Variants in CAMK2D observed in about 807,000 individuals in gnomAD.
CAMK2D encodes calcium/calmodulin dependent protein kinase II delta.
Under a neutral mutation model 84.0 loss-of-function variants are expected in CAMK2D, and 37 were observed. The ratio of observed to expected loss-of-function variants is 0.44; its 90% CI spans 0.34 to 0.58. The LOEUF (loss-of-function observed/expected upper bound fraction) is 0.58, where lower values mean the gene tolerates loss of function less well. CAMK2D is among the 20% of genes least tolerant of loss of function. The pLI, the probability that CAMK2D is intolerant of heterozygous loss-of-function variation, is 0.02. For missense variants in CAMK2D, 448 were observed against 652.5 expected (o/e 0.69, Z 3.41); for synonymous variants, 202 against 212.5 (o/e 0.95, Z 0.43).
At chr4:113,683,412 C>A (rs1193287688) in intron 2 of CAMK2D, among the ~76,000 whole-genome samples, 5 of 152,142 alleles carry the variant, frequency 3.3e-5, no homozygotes, top group African/African-American at 1.2e-4. Context: ...TGAATGAAAT[C>A]AGCAGAGGGG....
chr4:113,484,474 T>G (rs72678717), intron 16 of CAMK2D, among the ~76,000 whole-genome samples: 20,615 of 152,090 alleles, frequency 0.14, 1,686 homozygotes, highest in African/African-American at 0.22. Flanking sequence ...TGCAATGTCC[T>G]GAGTCCCTTC....
At chr4:113,602,956 T>A (rs1016503845) in intron 4 of CAMK2D, among the ~76,000 whole-genome samples, 2 of 152,224 alleles carry the variant, frequency 1.3e-5, no homozygotes, top group Non-Finnish European at 2.9e-5. Flanking sequence ...GAAATGAACT[T>A]GATCTGTGAT....
chr4:113,593,450 T>A (rs1489718982), intron 4 of CAMK2D, among the ~76,000 whole-genome samples: 1 of 152,162 alleles, frequency 6.6e-6, no homozygotes, highest in Non-Finnish European at 1.5e-5. Flanking sequence ...TTTTAACTGA[T>A]GAATTGCTGA....
intron 2 of CAMK2D, among the ~76,000 whole-genome samples, chr4:113,672,642 T>C (rs997469034): frequency 6.6e-6 from 1 of 151,842 alleles, no homozygotes; most frequent in African/African-American, 2.4e-5. Flanking sequence ...GTAAGACACT[T>C]AAAATCTTGC....
chr4:113,638,914 C>T (rs572377189), intron 3 of CAMK2D, among the ~76,000 whole-genome samples: 1 of 151,972 alleles, frequency 6.6e-6, no homozygotes, highest in African/African-American at 2.4e-5. Flanking sequence ...CAGCTAATAA[C>T]CTAGCTTTAT....
chr4:113,576,236 A>G (rs2098781459), intron 4 of CAMK2D, among the ~76,000 whole-genome samples: 1 of 152,114 alleles, frequency 6.6e-6, no homozygotes, highest in African/African-American at 2.4e-5. Flanking sequence ...ATTAAAAAAC[A>G]CATAATAGAC....
chr4:113,537,542 C>A, intron 6 of CAMK2D, 99 bp from the exon 7 acceptor site: 1 of 678,218 alleles, frequency 1.5e-6, no homozygotes, highest in Non-Finnish European at 2.6e-6. Context: ...GGAAAAAATT[C>A]ATGCACTGTC....
At chr4:113,733,149 C>G (rs576705948) in intron 2 of CAMK2D, among the ~76,000 whole-genome samples, 172 of 152,218 alleles carry the variant, frequency 1.1e-3, no homozygotes, top group Admixed American at 4.9e-3. Flanking sequence ...AATGATAAAG[C>G]AATGTGCTTA....
At chr4:113,618,584 T>C (rs1437399361) in intron 3 of CAMK2D, among the ~76,000 whole-genome samples, 1 of 152,220 alleles carries the variant, frequency 6.6e-6, no homozygotes, top group Non-Finnish European at 1.5e-5. Flanking sequence ...TGTTAAGAAA[T>C]GCAATATAAC....
chr4:113,544,847 G>C (rs2098555518), intron 6 of CAMK2D, among the ~76,000 whole-genome samples: 1 of 152,068 alleles, frequency 6.6e-6, no homozygotes, highest in Non-Finnish European at 1.5e-5. Flanking sequence ...ACTAGGTTCT[G>C]CCTGGTGCCG....
chr4:113,651,877 T>C, intron 3 of CAMK2D, among the ~76,000 whole-genome samples: 1 of 152,250 alleles, frequency 6.6e-6, no homozygotes, highest in African/African-American at 2.4e-5. Context: ...TTTACCAAGA[T>C]ACTAAAAATT....
intron 3 of CAMK2D, among the ~76,000 whole-genome samples, chr4:113,615,840 A>T (rs956683496): frequency 6.6e-6 from 1 of 152,106 alleles, no homozygotes; most frequent in Non-Finnish European, 1.5e-5. Flanking sequence ...ATTTGAGCAT[A>T]AAAAATTGGG....
At chr4:113,576,188 G>A (rs544087081) in intron 4 of CAMK2D, among the ~76,000 whole-genome samples, 1 of 152,104 alleles carries the variant, frequency 6.6e-6, no homozygotes, top group Admixed American at 6.6e-5. Context: ...GAAATGAGCT[G>A]CCACGCCTGG....
intron 2 of CAMK2D, among the ~76,000 whole-genome samples, chr4:113,696,579 G>A (rs1472863931): frequency 6.6e-6 from 1 of 152,034 alleles, no homozygotes; most frequent in Non-Finnish European, 1.5e-5. Context: ...TAGCTATTAG[G>A]TAAGTGTATT....
chr4:113,465,371 C>G (rs935151445), intron 17 of CAMK2D, among the ~76,000 whole-genome samples, 158 bp downstream of exon 17: 8 of 152,098 alleles, frequency 5.3e-5, no homozygotes, highest in Admixed American at 5.2e-4. Flanking sequence ...TGAAATTTTT[C>G]TCTCCTAGGG....
intron 17 of CAMK2D, among the ~76,000 whole-genome samples, chr4:113,462,326 G>GTCTA (rs1462001963): frequency 0.012 from 1,616 of 131,754 alleles, 22 homozygotes; most frequent in East Asian, 0.026. Context: ...CTGTCTGTCT[G>GTCTA]TCTGTCTGTC....
intron 16 of CAMK2D, among the ~76,000 whole-genome samples, chr4:113,486,299 T>G (rs2097765332): frequency 6.6e-6 from 1 of 151,972 alleles, no homozygotes; most frequent in East Asian, 1.9e-4. Context: ...TTATAAATTC[T>G]TTTTTTGTAG....
chr4:113,518,960 A>G lies in CAMK2D; in HGVS notation c.602-1303T>C, dbSNP rs193205914. Among the ~76,000 whole-genome samples, 575 of 149,732 alleles carry G rather than the reference A, an allele frequency of 3.8e-3. 5 individuals are homozygous for G. Among genetic ancestry groups the G allele is most frequent in the African/African-American group, 0.013 (550 of 40,932 alleles). On this transcript the variant is annotated intron_variant, in intron 8 of 20. Transcript: ENST00000511664. ...AAAATTTTAAACAACATTCTTAAGG[A>G]AAAAAAAAAGACCATGAAGAAAACC...
intron 5 of CAMK2D, among the ~76,000 whole-genome samples, chr4:113,550,510 C>T (rs1313315337): frequency 6.6e-6 from 1 of 152,144 alleles, no homozygotes; most frequent in African/African-American, 2.4e-5. Context: ...AGGGAATGTT[C>T]CTTCTCTTTG....
Sources: allele counts gnomAD v4.1 joint callset (sites outside exome capture counted in the v4.1 genomes callset), GRCh38; gene constraint gnomAD v4.1.1; transcripts MANE v1.5; gene names NCBI Gene and HGNC (gene_info 2026-07-23, HGNC 2026-07-21).